Variants in ROBO2 observed in about 807,000 individuals in gnomAD.
ROBO2 encodes the protein roundabout guidance receptor 2.
Under a neutral mutation model 160.8 loss-of-function variants are expected in ROBO2, and 53 were observed. The observed-to-expected ratio is 0.33, with a 90% confidence interval of 0.26 to 0.41. The LOEUF is 0.41. Ranked by LOEUF, ROBO2 falls within the 10% of genes least tolerant of loss-of-function variation. The probability of loss-of-function intolerance (pLI) is 1.00; values close to 1 mark genes in which losing one functional copy is unlikely to be tolerated. For missense variants in ROBO2, 1,577 were observed against 1,722.4 expected (o/e 0.92, Z 1.49); for synonymous variants, 664 against 611.7 (o/e 1.09, Z -1.26).
At chr3:76,104,851 A>AT (rs2069852042) in intron 2 of ROBO2, among the ~76,000 whole-genome samples, 2 of 152,218 alleles carry the variant, frequency 1.3e-5, no homozygotes. Context: ...AATCTTACCC[A>AT]TAATTAGCTT....
At chr3:75,919,743 C>A (rs544360503) in intron 1 of ROBO2, among the ~76,000 whole-genome samples, 1 of 152,218 alleles carries the variant, frequency 6.6e-6, no homozygotes, top group Non-Finnish European at 1.5e-5. Flanking sequence ...AGGGATTTGA[C>A]TTCTTCCTGG....
At chr3:75,998,476 A>G (rs917610310) in intron 2 of ROBO2, among the ~76,000 whole-genome samples, 4 of 152,226 alleles carry the variant, frequency 2.6e-5, no homozygotes, top group Non-Finnish European at 5.9e-5. Context: ...TGGTTGGAGA[A>G]TAAGAGGTCA....
chr3:76,379,550 A>C (rs1002355179), intron 2 of ROBO2, among the ~76,000 whole-genome samples: 5 of 152,158 alleles, frequency 3.3e-5, no homozygotes, highest in African/African-American at 1.2e-4. Flanking sequence ...ATGAAACGTA[A>C]ATTAAACCAG....
chr3:76,927,517 A>G (rs940878739), intron 2 of ROBO2, among the ~76,000 whole-genome samples: 6 of 152,200 alleles, frequency 3.9e-5, no homozygotes, highest in Non-Finnish European at 7.3e-5. Flanking sequence ...TTATTAGGAC[A>G]AAGTCTATAA....
At chr3:76,808,780 G>A (rs568528823) in intron 2 of ROBO2, among the ~76,000 whole-genome samples, 8 of 152,006 alleles carry the variant, frequency 5.3e-5, no homozygotes, top group Non-Finnish European at 7.4e-5. Flanking sequence ...TGATGAATTC[G>A]GATATAGAAG....
chr3:77,414,389 T>C (rs2077043750), intron 2 of ROBO2, among the ~76,000 whole-genome samples: 1 of 152,198 alleles, frequency 6.6e-6, no homozygotes, highest in Non-Finnish European at 1.5e-5. Context: ...GATACCACAC[T>C]AGTGTCCTGC....
chr3:76,636,340 G>T (rs1363432610), intron 2 of ROBO2, among the ~76,000 whole-genome samples: 1 of 152,164 alleles, frequency 6.6e-6, no homozygotes, highest in Admixed American at 6.5e-5. Context: ...ATTGACATCT[G>T]CCTGTCATCT....
intron 2 of ROBO2, among the ~76,000 whole-genome samples, chr3:77,134,669 G>A (rs1270453473): frequency 6.6e-6 from 1 of 152,136 alleles, no homozygotes; most frequent in African/African-American, 2.4e-5. Context: ...CAGCACCTAT[G>A]TCTCAGTCTA....
At chr3:77,481,140 T>C (rs746918841) in exon 4 of ROBO2, 20 of 1,612,172 alleles carry the variant, frequency 1.2e-5, no homozygotes. Flanking sequence ...CCAGGAAAAG[T>C]GATGCAGGGA....
intron 2 of ROBO2, among the ~76,000 whole-genome samples, chr3:76,391,877 A>G (rs2077170708): frequency 6.6e-6 from 1 of 152,186 alleles, no homozygotes; most frequent in Admixed American, 6.5e-5. Flanking sequence ...AATAGTGAAA[A>G]TCAATGCCTC....
chr3:76,831,435 A>G (rs1283866747), intron 2 of ROBO2, among the ~76,000 whole-genome samples: 1 of 152,206 alleles, frequency 6.6e-6, no homozygotes, highest in Admixed American at 6.5e-5. Flanking sequence ...CTGCTAGACT[A>G]TCTAAATATG....
intron 2 of ROBO2, among the ~76,000 whole-genome samples, chr3:76,929,103 T>C (rs938694131): frequency 1.2e-4 from 18 of 151,944 alleles, no homozygotes; most frequent in African/African-American, 4.4e-4. Context: ...GTACTAAAAA[T>C]ACAAAAATTA....
At chr3:76,921,049 T>C (rs1347890302) in intron 2 of ROBO2, among the ~76,000 whole-genome samples, 1 of 152,168 alleles carries the variant, frequency 6.6e-6, no homozygotes, top group African/African-American at 2.4e-5. Context: ...GGGAAATTAT[T>C]TCAAGCTACA....
intron 2 of ROBO2, among the ~76,000 whole-genome samples, chr3:76,334,665 C>T (rs1170584930): frequency 1.3e-5 from 2 of 152,140 alleles, no homozygotes; most frequent in African/African-American, 4.8e-5. Flanking sequence ...GAATTTTACC[C>T]AGTAAAGGAG....
chr3:76,192,195 C>G (rs1472517110), intron 2 of ROBO2, among the ~76,000 whole-genome samples: 1 of 149,860 alleles, frequency 6.7e-6, no homozygotes, highest in African/African-American at 2.4e-5. Flanking sequence ...TGCCATTTCC[C>G]TAGTTAGTGC....
At chr3:75,911,200 A>G (rs1287851310) in intron 1 of ROBO2, among the ~76,000 whole-genome samples, 1 of 152,222 alleles carries the variant, frequency 6.6e-6, no homozygotes, top group African/African-American at 2.4e-5. Flanking sequence ...CAGTGAAAAA[A>G]TTACAGCTTC....
intron 2 of ROBO2, among the ~76,000 whole-genome samples, chr3:75,944,095 C>T (rs1948174560): frequency 2.0e-5 from 3 of 151,970 alleles, no homozygotes; most frequent in Non-Finnish European, 4.4e-5. Context: ...GACTTTCCTG[C>T]CAGAAAAGTA....
chr3:76,853,949 A>G (rs1359298626), intron 2 of ROBO2, among the ~76,000 whole-genome samples: 3 of 151,690 alleles, frequency 2.0e-5, no homozygotes, highest in Admixed American at 6.6e-5. Flanking sequence ...AGAGGAAATC[A>G]TTGCTTTGAG....
intron 1 of ROBO2, among the ~76,000 whole-genome samples, chr3:77,042,874 A>G (rs1459631003): frequency 6.6e-6 from 1 of 152,224 alleles, no homozygotes; most frequent in Non-Finnish European, 1.5e-5. Flanking sequence ...CAGAACTCAT[A>G]GTAATGTAGT....
Sources: gnomAD v4.1 joint callset for allele counts (sites outside exome capture counted in the v4.1 genomes callset) on GRCh38, gnomAD v4.1.1 for gene constraint, MANE v1.5 for transcripts, NCBI Gene and HGNC (gene_info 2026-07-23, HGNC 2026-07-21) for gene names.